Variants in TERF1 observed in about 807,000 individuals in gnomAD.
TERF1 encodes telomeric repeat binding factor 1.
Under a neutral mutation model 55.1 loss-of-function variants are expected in TERF1, and 20 were observed. The ratio of observed to expected loss-of-function variants is 0.36; its 90% CI spans 0.26 to 0.53. The LOEUF (loss-of-function observed/expected upper bound fraction) is 0.53, where lower values mean the gene tolerates loss of function less well. TERF1 is among the 20% of genes least tolerant of loss of function. TERF1 has a pLI of 0.91. For synonymous variants in TERF1, 168 were observed against 181.2 expected (o/e 0.93, Z 0.59); for missense variants, 439 against 535.7 (o/e 0.82, Z 1.78).
chr8:73,038,287 C>CA (rs1356332829), intron 8 of TERF1, among the ~76,000 whole-genome samples: 1 of 150,314 alleles, frequency 6.7e-6, no homozygotes, highest in Admixed American at 6.6e-5. Flanking sequence ...CATGTCTTTA[C>CA]AAAAAAATTT....
chr8:73,013,541 T>C (rs1808363758), intron 1 of TERF1, among the ~76,000 whole-genome samples: 1 of 152,208 alleles, frequency 6.6e-6, no homozygotes, highest in Admixed American at 6.5e-5. Context: ...GAAACCTAGA[T>C]AGAAATAATA....
intron 8 of TERF1, among the ~76,000 whole-genome samples, chr8:73,037,215 A>G (rs1194470681): frequency 7.3e-6 from 1 of 136,336 alleles, no homozygotes; most frequent in African/African-American, 2.7e-5. Context: ...TAATTTATAT[A>G]TAATTATAAT....
Position 73,008,912 on chromosome 8 carries a change from C to G in TERF1, c.26C>G (p.Ala9Gly). The G allele has an allele frequency of 6.2e-7, 1 of 1,610,138 alleles. No individual in the cohort carries two copies. The highest frequency in any genetic ancestry group is 8.5e-7 in the Non-Finnish European group (1 of 1,178,530). The part of the protein sequence containing the change: MAEDVSSA[A>G]PSPRGCADGR... ...ATGGCGGAGGATGTTTCCTCAGCGG[C>G]CCCGAGCCCGCGGGGCTGTGCGGAT... Residue 9 changes from alanine to glycine, a missense_variant, in exon 1 of 10, where the codon GCC becomes GGC. Transcript: ENST00000276603.
Position 73,047,412 on chromosome 8 carries a change from A to G in TERF1, c.*1275A>G, listed in dbSNP as rs1456644882. ...ATATCAATATTGGGCCTAAAACAGT[A>G]TTCTGTAAAGCTTAAATTGGTATTA... On this transcript the variant is annotated 3_prime_UTR_variant, in exon 10 of 10. Coordinates refer to ENST00000276603, the MANE Select transcript of TERF1 (RefSeq NM_017489.3). 4 of 152,080 alleles carry G rather than the reference A, an allele frequency of 2.6e-5. No individual in the cohort carries two copies. The highest frequency in any genetic ancestry group is 2.0e-4 in the Admixed American group (3 of 15,252). The allele number at this position is 152,080 out of a possible 1,614,324, so 9.4% of individuals were successfully genotyped here. A position where few individuals can be genotyped will look rare whatever the true frequency, so the allele number is the denominator to read the frequency against.
intron 9 of TERF1, among the ~76,000 whole-genome samples, chr8:73,045,707 C>T (rs1810002259): frequency 6.6e-6 from 1 of 152,134 alleles, no homozygotes; most frequent in African/African-American, 2.4e-5. Context: ...ATTCAGTTGA[C>T]ATGTAGCACT....
intron 7 of TERF1, 68 bp downstream of exon 7, chr8:73,030,463 A>G (rs1809238956): frequency 6.9e-6 from 7 of 1,007,646 alleles, no homozygotes; most frequent in Non-Finnish European, 8.3e-6. Flanking sequence ...ATGCAGACCT[A>G]ATAAAAACTA....
chr8:73,018,369 G>A (rs938663620), intron 2 of TERF1, among the ~76,000 whole-genome samples: 1 of 152,342 alleles, frequency 6.6e-6, no homozygotes, highest in Middle Eastern at 3.4e-3. Flanking sequence ...AAAAAAGGAT[G>A]TGCTATTTAA....
At chr8:73,024,060 T>C (rs1452736418) in intron 4 of TERF1, among the ~76,000 whole-genome samples, 4 of 152,192 alleles carry the variant, frequency 2.6e-5, no homozygotes, top group African/African-American at 9.6e-5. Flanking sequence ...AAGAATTTTT[T>C]TAAAGTTCTA....
At chr8:73,018,617 A>G (rs1274851592) in intron 2 of TERF1, among the ~76,000 whole-genome samples, 4 of 152,258 alleles carry the variant, frequency 2.6e-5, no homozygotes, top group African/African-American at 4.8e-5. Context: ...CGGAGGTTGC[A>G]GTAAGCCGAG....
chr8:73,019,007 G>T lies in TERF1; in HGVS notation c.416-1677G>T, dbSNP rs993117197. ...TTCTCGAGGGGCCATGCTAATCTCTGCATTCTTCCAATTTTTATATATTTG... is the reference window on the plus strand; with the variant it reads ...TTCTCGAGGGGCCATGCTAATCTCTTCATTCTTCCAATTTTTATATATTTG... On this transcript the variant is annotated intron_variant, in intron 2 of 9. Coordinates refer to ENST00000276603, the MANE Select transcript of TERF1 (RefSeq NM_017489.3). The T allele has an allele frequency of 2.0e-5, 3 of 152,276 alleles. No individual in the cohort carries two copies. In the East Asian group the frequency reaches 5.8e-4, roughly 29 times the overall value. The allele number at this position is 152,276 out of a possible 1,614,324, so 9.4% of individuals were successfully genotyped here. A position where few individuals can be genotyped will look rare whatever the true frequency, so the allele number is the denominator to read the frequency against.
chr8:73,009,036 G>A lies in TERF1; in HGVS notation c.150G>A (p.Gln50=). ...AGGAACTGCTCGAGTGCCAGGTGCA[G>A]GTGGGGGCCCCCGAGGAGGAGGAGG... The part of the protein sequence containing the change: ...ECQELLECQV[Q]VGAPEEEEEE... Residue 50 remains glutamine (Q), a synonymous_variant, in exon 1 of 10, where the codon CAG becomes CAA. Coordinates refer to ENST00000276603, the MANE Select transcript of TERF1 (RefSeq NM_017489.3). The A allele has an allele frequency of 6.2e-7, 1 of 1,611,080 alleles. No individual in the cohort carries two copies. Among genetic ancestry groups the A allele is most frequent in the Non-Finnish European group, 8.5e-7 (1 of 1,178,946 alleles).
intron 8 of TERF1, among the ~76,000 whole-genome samples, chr8:73,038,490 GA>G (rs1166412392): frequency 5.3e-5 from 8 of 151,842 alleles, no homozygotes; most frequent in East Asian, 1.9e-4. Flanking sequence ...AAGAATGTTA[GA>G]TTTTTTTGTG....
rs779482581 is a variant in TERF1, at chr8:73,022,206, C to T, written c.538-10C>T. 2.1e-5 allele frequency: 32 copies of T among 1,560,074 alleles called. No individual in the cohort carries two copies. The highest frequency in any genetic ancestry group is 1.5e-4 in the African/African-American group (11 of 71,950). ...AACGCAGTCTAAGGTTGGTATTTTT[C>T]ATCTTTTAGGCTATAGCTGTTTGTA... On this transcript the variant is annotated splice_polypyrimidine_tract_variant and intron_variant, in intron 3 of 9. Coordinates refer to ENST00000276603, the MANE Select transcript of TERF1 (RefSeq NM_017489.3).
chr8:73,011,283 C>G (rs1808270602), intron 1 of TERF1: 2 of 152,320 alleles, frequency 1.3e-5, no homozygotes, highest in Non-Finnish European at 2.9e-5. Flanking sequence ...TACAGTGGCT[C>G]ACACCTGTAA....
At chr8:73,022,973 A>G (rs1344881399) in intron 4 of TERF1, among the ~76,000 whole-genome samples, 1 of 152,182 alleles carries the variant, frequency 6.6e-6, no homozygotes, top group African/African-American at 2.4e-5. Flanking sequence ...ATTTGCATAT[A>G]ACATATGTAC....
At chr8:73,037,653 A>ATGTATAATAATATTATAT (rs1809605266) in intron 8 of TERF1, among the ~76,000 whole-genome samples, 1 of 68,134 alleles carries the variant, frequency 1.5e-5, no homozygotes, top group African/African-American at 6.5e-5. Context: ...AATATATATT[A>ATGTATAATAATATTATAT]TATGTATAAT....
intron 7 of TERF1, chr8:73,031,800 T>C: frequency 3.2e-6 from 1 of 308,028 alleles, no homozygotes; most frequent in Non-Finnish European, 5.9e-6. Flanking sequence ...CTGCTTCTTC[T>C]GAGACATCAA....
intron 4 of TERF1, among the ~76,000 whole-genome samples, chr8:73,024,571 T>C (rs1009204011): frequency 1.3e-5 from 2 of 152,194 alleles, no homozygotes; most frequent in Non-Finnish European, 2.9e-5. Context: ...AACTGGGTAA[T>C]GGATACTCTG....
intron 6 of TERF1, 33 bp from the exon 7 acceptor site, chr8:73,030,303 T>G (rs1049879260): frequency 6.9e-7 from 1 of 1,444,160 alleles, no homozygotes; most frequent in Non-Finnish European, 9.3e-7. Context: ...TTTCTTTTGT[T>G]TACATTCTTA....
Sources: allele counts gnomAD v4.1 joint callset (sites outside exome capture counted in the v4.1 genomes callset), GRCh38; gene constraint gnomAD v4.1.1; transcripts MANE v1.5; gene names NCBI Gene and HGNC (gene_info 2026-07-23, HGNC 2026-07-21).